Variants in ZDHHC3 observed in about 807,000 individuals in gnomAD.
ZDHHC3 encodes the protein zDHHC palmitoyltransferase 3.
In ZDHHC3, 9 loss-of-function variants were observed where a neutral mutation model predicts 30.6. The observed-to-expected ratio is 0.29, with a 90% CI of 0.18 to 0.51. The LOEUF is 0.51. ZDHHC3 is among the 20% of genes least tolerant of loss of function. ZDHHC3 has a pLI of 0.97. For missense variants in ZDHHC3, 246 were observed against 384.2 expected (o/e 0.64, Z 3.01); for synonymous variants, 136 against 140.2 (o/e 0.97, Z 0.21).
intron 2 of ZDHHC3, among the ~76,000 whole-genome samples, chr3:44,953,109 ATG>A (rs1703614358): frequency 6.6e-6 from 1 of 152,230 alleles, no homozygotes; most frequent in Non-Finnish European, 1.5e-5. Context: ...CAACAAACCT[ATG>A]AGGTAGAGAT....
intron 5 of ZDHHC3, 134 bp from the exon 6 acceptor site, chr3:44,929,570 C>CA: frequency 8.2e-7 from 1 of 1,222,062 alleles, no homozygotes; most frequent in Non-Finnish European, 1.1e-6. Flanking sequence ...AGGTCTCTGG[C>CA]CTCCAGGCTA....
chr3:44,919,886 T>C lies in ZDHHC3; in HGVS notation c.*6803A>G. On this transcript the variant is annotated 3_prime_UTR_variant, in exon 7 of 7. Coordinates refer to ENST00000424952, the MANE Select transcript of ZDHHC3 (RefSeq NM_001135179.2). ...TAATCTGAGACAAAGATTTATGCAA[T>C]ACAAACTTGAACACTGAATTATAAT... is the stretch of plus-strand genomic sequence containing the variant. The C allele has an allele frequency of 9.8e-7, 1 of 1,023,152 alleles. No homozygotes were observed. The highest frequency in any genetic ancestry group is 1.2e-6 in the Non-Finnish European group (1 of 850,448). 63.4% of individuals were successfully genotyped at this position (1,023,152 alleles called of 1,614,324 possible).
At chr3:44,962,728 T>C (rs991688833) in intron 1 of ZDHHC3, among the ~76,000 whole-genome samples, 20 of 152,182 alleles carry the variant, frequency 1.3e-4, no homozygotes, top group Non-Finnish European at 4.4e-5. Context: ...GCTCAGACTG[T>C]TATAATTGCC....
At chr3:44,948,212 AC>A (rs1035591198) in intron 2 of ZDHHC3, among the ~76,000 whole-genome samples, 39 of 152,296 alleles carry the variant, frequency 2.6e-4, no homozygotes, top group Admixed American at 7.8e-4. Flanking sequence ...CAGATAGAGC[AC>A]CCTGGTCTCC....
intron 2 of ZDHHC3, among the ~76,000 whole-genome samples, chr3:44,952,024 C>T (rs12330307): frequency 0.024 from 3,677 of 152,296 alleles, 159 homozygotes; most frequent in African/African-American, 0.081. Context: ...CACCATCACT[C>T]GGTGATAATG....
intron 1 of ZDHHC3, among the ~76,000 whole-genome samples, chr3:44,975,031 G>A (rs1705773182): frequency 6.7e-6 from 1 of 150,218 alleles, no homozygotes; most frequent in Admixed American, 6.6e-5. Context: ...AACTGTATTT[G>A]AACCCACTAT....
In ZDHHC3 at chr3:44,945,253, C is replaced by T. The variant is rs774142638; in HGVS notation, c.346G>A (p.Glu116Lys). 1.2e-6 allele frequency: 2 copies of T among 1,614,214 alleles called. No individual in the cohort carries two copies. Among genetic ancestry groups the T allele is most frequent in the Non-Finnish European group, 1.7e-6 (2 of 1,180,046 alleles). ...TGCCCAGGCTTCAACTGTAAACTCT[C>T]GATGAATTCTTTAGTGGCATTTCCT... ...PKGNATKEFI[E>K]SLQLKPGQVV... Residue 116 changes from glutamate to lysine, a missense_variant, in exon 3 of 7, where the codon GAG (glutamate) becomes AAG (lysine). Transcript: ENST00000424952.
chr3:44,921,102 C>T lies in ZDHHC3; in HGVS notation c.*5587G>A. The T allele has an allele frequency of 5.1e-6, 5 of 985,408 alleles. No individual in the cohort carries two copies. The highest frequency in any genetic ancestry group is 6.0e-6 in the Non-Finnish European group (5 of 829,926). The allele number at this position is 985,408 out of a possible 1,614,324, so 61.0% of individuals were successfully genotyped here. On this transcript the variant is annotated 3_prime_UTR_variant, in exon 7 of 7. Transcript: ENST00000424952. The stretch of plus-strand genomic sequence containing the variant: ...CCTGGTAAGGGGGTCATAGTCGACA[C>T]CAGAAGCTCTTGCAGGGTGTGTGAT...
intron 1 of ZDHHC3, among the ~76,000 whole-genome samples, chr3:44,967,541 A>G (rs997659712): frequency 4.5e-5 from 6 of 133,896 alleles, no homozygotes; most frequent in African/African-American, 8.5e-5. Context: ...TAATTGGGGG[A>G]AAAAAAAGAC....
At chr3:44,968,655 C>G (rs1353158643) in intron 1 of ZDHHC3, among the ~76,000 whole-genome samples, 1 of 152,170 alleles carries the variant, frequency 6.6e-6, no homozygotes, top group Admixed American at 6.5e-5. Context: ...AAGATTGCAC[C>G]ACTGCACTCC....
intron 5 of ZDHHC3, among the ~76,000 whole-genome samples, chr3:44,929,776 G>A (rs542773393): frequency 1.8e-3 from 271 of 152,294 alleles, no homozygotes; most frequent in Non-Finnish European, 3.4e-3. Context: ...AACGCCTGAC[G>A]ACACCACAGG....
intron 2 of ZDHHC3, chr3:44,958,775 T>G: frequency 1.8e-6 from 2 of 1,110,196 alleles, no homozygotes; most frequent in South Asian, 2.9e-5. Context: ...CCCTCCAGCA[T>G]GCTTTCTGCT....
intron 3 of ZDHHC3, among the ~76,000 whole-genome samples, chr3:44,941,774 A>T (rs1216911325): frequency 6.6e-6 from 1 of 151,858 alleles, no homozygotes; most frequent in Non-Finnish European, 1.5e-5. Flanking sequence ...AAAAAAAAAA[A>T]GTCTATGCAT....
intron 2 of ZDHHC3, chr3:44,958,682 G>C (rs1376784781): frequency 1.3e-6 from 2 of 1,536,074 alleles, no homozygotes; most frequent in African/African-American, 1.4e-5. Flanking sequence ...TTCCGTGCAG[G>C]TTCCTGGAAT....
In ZDHHC3 at chr3:44,918,256, C is replaced by T. The variant is rs1203966515; in HGVS notation, c.*8433G>A. 72 of 1,212,354 alleles carry T rather than the reference C, an allele frequency of 5.9e-5. No homozygotes were observed. Among genetic ancestry groups the T allele is most frequent in the Middle Eastern group, 3.7e-4 (1 of 2,692 alleles). The allele number at this position is 1,212,354 out of a possible 1,614,324, so 75.1% of individuals were successfully genotyped here. A position where few individuals can be genotyped will look rare whatever the true frequency, so the allele number is the denominator to read the frequency against. ...GGCGGGGGGGGGGGCGGGGTGTCCA[C>T]GGCATGGGTAAGATGGGGTCTGAGT... On this transcript the variant is annotated 3_prime_UTR_variant, in exon 7 of 7. Coordinates refer to ENST00000424952, the MANE Select transcript of ZDHHC3 (RefSeq NM_001135179.2).
intron 3 of ZDHHC3, among the ~76,000 whole-genome samples, chr3:44,939,535 C>T (rs1702260838): frequency 6.6e-6 from 1 of 152,302 alleles, no homozygotes; most frequent in South Asian, 2.1e-4. Flanking sequence ...TGAGGGTAAC[C>T]ACCTCCCTGC....
At chr3:44,946,427 C>G (rs1049940355) in intron 2 of ZDHHC3, among the ~76,000 whole-genome samples, 1 of 152,194 alleles carries the variant, frequency 6.6e-6, no homozygotes, top group Admixed American at 6.5e-5. Flanking sequence ...CAAGAGCCTG[C>G]TTGGTGCTGA....
At position 44,922,505 on chromosome 3, in the gene ZDHHC3, T is replaced by TA. The variant is rs1163150911; in HGVS notation, c.*4183dup. On this transcript the variant is annotated 3_prime_UTR_variant, in exon 7 of 7. Transcript: ENST00000424952. ...GTTGTTTGTTGGGGAGGCCGCAGCT[T>TA]ATGAGGGAAGGCAGTCTCAGTGGCT... 3.0e-6 allele frequency: 3 copies of TA among 985,242 alleles called. No homozygotes were observed. The African/African-American group carries it at 5.2e-5, about 17-fold the overall frequency. The allele number at this position is 985,242 out of a possible 1,614,324, so 61.0% of individuals were successfully genotyped here.
intron 6 of ZDHHC3, 152 bp from the exon 7 acceptor site, chr3:44,926,999 T>C (rs1701047252): frequency 2.5e-6 from 3 of 1,178,544 alleles, no homozygotes; most frequent in Non-Finnish European, 3.3e-6. Flanking sequence ...TAAAAAGTGT[T>C]ACTAAAAAAA....
Sources: gnomAD v4.1 joint callset for allele counts (sites outside exome capture counted in the v4.1 genomes callset) on GRCh38, gnomAD v4.1.1 for gene constraint, MANE v1.5 for transcripts, NCBI Gene and HGNC (gene_info 2026-07-23, HGNC 2026-07-21) for gene names.